The following PALD1 variants were observed in gnomAD, a reference collection of about 807,000 sequenced individuals.
PALD1 encodes phosphatase domain containing paladin 1.
In PALD1, 57 loss-of-function variants were observed where a neutral mutation model predicts 96.0. That is an observed-to-expected ratio of 0.59 (90% CI 0.48 to 0.74). PALD1 has a LOEUF of 0.74. PALD1 is among the 30% of genes least tolerant of loss of function. PALD1 has a pLI of 0.00. For missense variants in PALD1, 1,063 were observed against 1,143.7 expected (o/e 0.93, Z 1.02); for synonymous variants, 464 against 473.6 (o/e 0.98, Z 0.26).
intron 1 of PALD1, among the ~76,000 whole-genome samples, chr10:70,515,800 G>C (rs1225429163): frequency 6.6e-6 from 1 of 152,158 alleles, no homozygotes; most frequent in African/African-American, 2.4e-5. Context: ...TGTGACTAAT[G>C]CATGATAGAA....
chr10:70,555,704 G>C (rs1251804727), intron 18 of PALD1, among the ~76,000 whole-genome samples: 1 of 152,224 alleles, frequency 6.6e-6, no homozygotes, highest in Non-Finnish European at 1.5e-5. Context: ...TCAGCCTCTT[G>C]AAAACTCTGG....
the PALD1 span, among the ~76,000 whole-genome samples, chr10:70,461,763 C>T: frequency 6.6e-6 from 1 of 152,166 alleles, no homozygotes; most frequent in African/African-American, 2.4e-5. Context: ...TTGAGATTTA[C>T]GACTTGGCAT....
chr10:70,560,634 C>T (rs1237341432), intron 18 of PALD1, among the ~76,000 whole-genome samples: 2 of 151,730 alleles, frequency 1.3e-5, no homozygotes, highest in Non-Finnish European at 2.9e-5. Context: ...GGAGGCTCCC[C>T]AGCCCTGCCT....
intron 18 of PALD1, among the ~76,000 whole-genome samples, chr10:70,556,279 C>CCTCCCTCTCTCCCTCCCTCT (rs527928462): frequency 7.8e-6 from 1 of 128,652 alleles, no homozygotes; most frequent in Non-Finnish European, 1.7e-5. Flanking sequence ...GTAGCCGAGA[C>CCTCCCTCTCTCCCTCCCTCT]CTCTCTCTCT....
intron 1 of PALD1, among the ~76,000 whole-genome samples, chr10:70,497,774 A>T (rs57454862): frequency 0.017 from 2,557 of 152,040 alleles, 82 homozygotes; most frequent in African/African-American, 0.059. Flanking sequence ...ACAGCGTTTT[A>T]CCATGTTAAC....
intron 1 of PALD1, among the ~76,000 whole-genome samples, chr10:70,521,993 G>A (rs1426677791): frequency 6.6e-6 from 1 of 152,168 alleles, no homozygotes; most frequent in South Asian, 2.1e-4. Flanking sequence ...ATAATAAACA[G>A]TAAACAAATG....
At chr10:70,465,696 AG>A in the PALD1 span, among the ~76,000 whole-genome samples, 1 of 152,062 alleles carries the variant, frequency 6.6e-6, no homozygotes, top group Non-Finnish European at 1.5e-5. Flanking sequence ...CCACTCAGGG[AG>A]GGGTGAAGCC....
chr10:70,542,779 G>A (rs1164292727), intron 17 of PALD1, among the ~76,000 whole-genome samples: 1 of 152,076 alleles, frequency 6.6e-6, no homozygotes, highest in Non-Finnish European at 1.5e-5. Flanking sequence ...GTTCTTTTGG[G>A]CATATACTCA....
At chr10:70,468,296 T>C in the PALD1 span, among the ~76,000 whole-genome samples, 1 of 151,910 alleles carries the variant, frequency 6.6e-6, no homozygotes, top group Non-Finnish European at 1.5e-5. Context: ...CAGGCTGGAG[T>C]GCAATGGCGC....
At chr10:70,557,950 T>TTTTTTTTTTTTTTTTTA (rs71012214) in intron 18 of PALD1, among the ~76,000 whole-genome samples, 1 of 135,226 alleles carries the variant, frequency 7.4e-6, no homozygotes, top group African/African-American at 2.7e-5. Context: ...TTTTTTTTTT[T>TTTTTTTTTTTTTTTTTA]AGAGACAGAG....
chr10:70,473,675 G>A, the PALD1 span, among the ~76,000 whole-genome samples: 2 of 151,542 alleles, frequency 1.3e-5, no homozygotes, highest in African/African-American at 2.4e-5. Context: ...TAATTGAGAC[G>A]GAGTCTGTCA....
Position 70,530,033 on chromosome 10 carries a change from C to A in PALD1, c.433C>A (p.Arg145=). 1 of 1,552,436 alleles carries A rather than the reference C, an allele frequency of 6.4e-7. No homozygotes were observed. The highest frequency in any genetic ancestry group is 8.7e-7 in the Non-Finnish European group (1 of 1,151,110). The change falls in exon 4 of 20, where the codon CGG becomes AGG. Residue 145 remains arginine, a synonymous_variant. Transcript: ENST00000263563. ...ACAGCCCAGCCTCTCAGGGTTCAGG[C>A]GGGTCCTCCAGAAACTCCAGAAGGA... ...MGQPSLSGFR[R]VLQKLQKDGH...
intron 18 of PALD1, among the ~76,000 whole-genome samples, chr10:70,548,610 A>G (rs943901257): frequency 1.3e-5 from 2 of 152,154 alleles, no homozygotes; most frequent in Non-Finnish European, 2.9e-5. Context: ...TGAGGATTCC[A>G]TGGTGCTGAG....
chr10:70,503,597 G>C (rs1206858319), intron 1 of PALD1, among the ~76,000 whole-genome samples: 1 of 152,094 alleles, frequency 6.6e-6, no homozygotes, highest in Non-Finnish European at 1.5e-5. Flanking sequence ...TCACGCCACT[G>C]CACTCCAGCC....
intron 1 of PALD1, among the ~76,000 whole-genome samples, chr10:70,507,777 G>GTGTA (rs1846422688): frequency 6.8e-6 from 1 of 146,168 alleles, no homozygotes; most frequent in Admixed American, 6.9e-5. Context: ...GTGTGTGTGT[G>GTGTA]TGTGTGTGTG....
At chr10:70,543,650 A>G (rs1285537590) in intron 17 of PALD1, among the ~76,000 whole-genome samples, 1 of 152,082 alleles carries the variant, frequency 6.6e-6, no homozygotes, top group Non-Finnish European at 1.5e-5. Context: ...GTCTTTCCCC[A>G]TTGAAGGGTC....
intron 5 of PALD1, among the ~76,000 whole-genome samples, 190 bp downstream of exon 5, chr10:70,531,644 T>G (rs1846994059): frequency 6.6e-6 from 1 of 152,174 alleles, no homozygotes; most frequent in Non-Finnish European, 1.5e-5. Context: ...TAGCTCTCTT[T>G]GCCTCTGCCC....
rs150682779 is a variant in PALD1 at position 70,516,843 on chromosome 10, A to G, written c.-29-9080A>G. Among the ~76,000 whole-genome samples the G allele has an allele frequency of 3.0e-4, 45 of 151,590 alleles. No individual in the cohort carries two copies. In the East Asian group the frequency reaches 7.6e-3, roughly 25 times the overall value. On this transcript the variant is annotated intron_variant, in intron 1 of 19. Coordinates refer to ENST00000263563, the MANE Select transcript of PALD1 (RefSeq NM_014431.3). The stretch of plus-strand genomic sequence containing the variant: ...CAATGTGCTATTATGGACATAAGCC[A>G]CTGTGCCCAGCCCCAATATACATTG...
chr10:70,564,360 C>G lies in PALD1; in HGVS notation c.2263-4C>G, dbSNP rs1199988325. On this transcript the variant is annotated splice_region_variant and splice_polypyrimidine_tract_variant and intron_variant, in intron 18 of 19. Coordinates refer to ENST00000263563, the MANE Select transcript of PALD1 (RefSeq NM_014431.3). ...CACTGACCCCACCCTGTCCTGTCCT[C>G]CAGGCGAAGGCAGCGAAAGAGGCGC... 4 of 1,611,382 alleles carry G rather than the reference C, an allele frequency of 2.5e-6. No homozygotes were observed. Among genetic ancestry groups the G allele is most frequent in the Non-Finnish European group, 3.4e-6 (4 of 1,178,662 alleles).
Sources: allele counts gnomAD v4.1 joint callset (sites outside exome capture counted in the v4.1 genomes callset), GRCh38; gene constraint gnomAD v4.1.1; transcripts MANE v1.5; gene names NCBI Gene and HGNC (gene_info 2026-07-23, HGNC 2026-07-21).